Variants in TRAK1 observed in about 807,000 individuals in gnomAD.
The protein encoded by TRAK1 is trafficking kinesin protein 1.
TRAK1 carries 33 observed loss-of-function variants against 92.1 expected under a neutral mutation model. That is an observed-to-expected ratio of 0.36 (90% confidence interval 0.27 to 0.48). The LOEUF (loss-of-function observed/expected upper bound fraction) is 0.48. Ranked by LOEUF, TRAK1 falls within the 20% of genes least tolerant of loss-of-function variation. The pLI, the probability that TRAK1 is intolerant of heterozygous loss-of-function variation, is 0.99. For missense variants in TRAK1, 1,123 were observed against 1,257.9 expected, an observed-to-expected ratio of 0.89 and a Z score of 1.62; for synonymous variants, 521 against 517.3, an observed-to-expected ratio of 1.01 and a Z score of -0.10.
intron 1 of TRAK1, among the ~76,000 whole-genome samples, chr3:42,019,276 CA>C (rs1374734130): frequency 3.9e-5 from 6 of 152,048 alleles, no homozygotes; most frequent in African/African-American, 1.4e-4. Flanking sequence ...TGTTTTGGTA[CA>C]ATAAAAAAGT....
At chr3:42,210,108 G>T in intron 14 of TRAK1, 123 bp downstream of exon 14, 2 of 1,612,400 alleles carry the variant, frequency 1.2e-6, no homozygotes, top group Non-Finnish European at 1.7e-6. Flanking sequence ...GGAGGAGGAG[G>T]AGGAGGAGGG....
chr3:42,086,483 G>C (rs1277333106), upstream of TRAK1, among the ~76,000 whole-genome samples: 1 of 150,514 alleles, frequency 6.6e-6, no homozygotes, highest in African/African-American at 2.4e-5. Flanking sequence ...TTTTTTTTTT[G>C]TTTGTGTATT....
At chr3:42,215,130 T>C (rs941566184) in intron 14 of TRAK1, among the ~76,000 whole-genome samples, 24 of 152,140 alleles carry the variant, frequency 1.6e-4, no homozygotes, top group African/African-American at 5.6e-4. Flanking sequence ...GAACTTTTTT[T>C]CCCCCTGAAA....
chr3:42,112,591 C>T (rs571382925), intron 1 of TRAK1, among the ~76,000 whole-genome samples: 10 of 151,342 alleles, frequency 6.6e-5, no homozygotes, highest in Non-Finnish European at 1.3e-4. Context: ...GAAAGTTAGC[C>T]GGGCTTGTTC....
At chr3:42,199,351 AGTGATTG>A in intron 11 of TRAK1, 98 bp downstream of exon 11, 3 of 1,167,836 alleles carry the variant, frequency 2.6e-6, no homozygotes. Flanking sequence ...GGGTACCGAC[AGTGATTG>A]ACTATTGTCC....
Position 42,201,873 on chromosome 3 carries a change from CGGACAGACGG to C in TRAK1, c.1428-562_1428-553del, listed in dbSNP as rs1359367112. ...GAACCTGGACGGACGGACGGACGGA[CGGACAGACGG>C]ACACACACACACACACACACACACA... On this transcript the variant is annotated intron_variant, in intron 12 of 15. Transcript: ENST00000327628. Among the ~76,000 whole-genome samples, 79 of 133,142 alleles carry C rather than the reference CGGACAGACGG, an allele frequency of 5.9e-4. 1 individual carries two copies. Among genetic ancestry groups the C allele is most frequent in the African/African-American group, 2.3e-3 (77 of 33,810 alleles). The allele number at this position is 133,142 out of a possible 152,430, so 87.3% of individuals were successfully genotyped here.
At chr3:42,039,333 T>C (rs1702448306) in intron 1 of TRAK1, among the ~76,000 whole-genome samples, 1 of 152,180 alleles carries the variant, frequency 6.6e-6, no homozygotes, top group South Asian at 2.1e-4. Context: ...ATTCATCAGT[T>C]AGTTGATGGA....
At chr3:42,149,036 G>T (rs1699647086) in intron 2 of TRAK1, among the ~76,000 whole-genome samples, 1 of 152,038 alleles carries the variant, frequency 6.6e-6, no homozygotes, top group Admixed American at 6.5e-5. Flanking sequence ...GCATCTCTCA[G>T]CCTCTGCTGC....
chr3:42,093,069 A>T (rs1030941165), intron 1 of TRAK1, among the ~76,000 whole-genome samples: 2 of 152,144 alleles, frequency 1.3e-5, no homozygotes, highest in Admixed American at 6.6e-5. Context: ...TATAATCTAA[A>T]TGGGTCTTTT....
intron 1 of TRAK1, among the ~76,000 whole-genome samples, chr3:42,066,929 A>C (rs1216352316): frequency 1.3e-5 from 2 of 152,050 alleles, no homozygotes; most frequent in African/African-American, 4.8e-5. Context: ...CCTTGACCTC[A>C]CTGTTTCCTG....
chr3:42,140,279 T>C (rs187012036), intron 2 of TRAK1, among the ~76,000 whole-genome samples: 81 of 152,238 alleles, frequency 5.3e-4, no homozygotes, highest in Non-Finnish European at 1.0e-3. Context: ...AAGCTGTTCA[T>C]TAGCAGTCTG....
At chr3:42,176,489 C>T (rs1703229938) in intron 2 of TRAK1, among the ~76,000 whole-genome samples, 1 of 152,200 alleles carries the variant, frequency 6.6e-6, no homozygotes, top group African/African-American at 2.4e-5. Context: ...CCCACCCCAC[C>T]TACTTCAGTT....
chr3:42,216,647 GATTA>G (rs1402938157), intron 14 of TRAK1, among the ~76,000 whole-genome samples: 9 of 152,186 alleles, frequency 5.9e-5, no homozygotes, highest in Non-Finnish European at 1.0e-4. Context: ...AATAATCAAG[GATTA>G]ATTAAGTTTA....
intron 1 of TRAK1, among the ~76,000 whole-genome samples, chr3:42,019,335 G>A (rs1701648127): frequency 6.6e-6 from 1 of 152,134 alleles, no homozygotes; most frequent in South Asian, 2.1e-4. Context: ...AAGTGCAGTG[G>A]CCTGATCATA....
chr3:42,085,307 A>G (rs540836708), upstream of TRAK1, among the ~76,000 whole-genome samples: 204 of 152,218 alleles, frequency 1.3e-3, no homozygotes, highest in African/African-American at 4.6e-3. Flanking sequence ...GGCTGGGTTT[A>G]CAGGCATGCG....
chr3:42,128,692 T>A lies in TRAK1; in HGVS notation c.286+3078T>A, dbSNP rs75461357. ...GGCACAGTGGTATTAGCAGGACCTG[T>A]GATATTGTCACCAGTAGAAATCACA... On this transcript the variant is annotated intron_variant, in intron 2 of 15. Coordinates refer to ENST00000327628, the MANE Select transcript of TRAK1 (RefSeq NM_001042646.3). Among the ~76,000 whole-genome samples the A allele has an allele frequency of 6.3e-3, 954 of 152,370 alleles. 32 individuals are homozygous for A. In the East Asian group the frequency reaches 0.11, roughly 17 times the overall value.
chr3:42,114,966 G>A (rs1460532368), intron 1 of TRAK1, among the ~76,000 whole-genome samples: 1 of 152,090 alleles, frequency 6.6e-6, no homozygotes, highest in Non-Finnish European at 1.5e-5. Context: ...GCCCGCCTCC[G>A]CTTACCAAAG....
chr3:42,058,333 T>A (rs905640914), intron 1 of TRAK1, among the ~76,000 whole-genome samples: 7 of 151,850 alleles, frequency 4.6e-5, no homozygotes, highest in Non-Finnish European at 7.4e-5. Context: ...TTTTTAAATT[T>A]AATTTAATTT....
intron 3 of TRAK1, among the ~76,000 whole-genome samples, chr3:42,182,184 T>G (rs1174081174): frequency 6.6e-6 from 1 of 152,176 alleles, no homozygotes; most frequent in East Asian, 1.9e-4. Context: ...AGATGCACCG[T>G]GTCCCCTTTG....
Sources: allele counts gnomAD v4.1 joint callset (sites outside exome capture counted in the v4.1 genomes callset), GRCh38; gene constraint gnomAD v4.1.1; transcripts MANE v1.5; gene names NCBI Gene and HGNC (gene_info 2026-07-23, HGNC 2026-07-21).